Variants in NTMT2 observed in about 807,000 individuals in gnomAD.
The protein encoded by NTMT2 is X-Pro-Lys N-terminal protein methyltransferase 1B.
In NTMT2, 21 loss-of-function variants were observed where a neutral mutation model predicts 23.4. That is an observed-to-expected ratio of 0.90 (90% confidence interval 0.64 to 1.29). NTMT2 has a LOEUF of 1.29. Ranked by LOEUF, NTMT2 falls within the 50% of genes most tolerant of loss-of-function variation. The probability of loss-of-function intolerance (pLI) is 0.00; values close to 1 mark genes in which losing one functional copy is unlikely to be tolerated. For missense variants in NTMT2, 336 were observed against 352.0 expected, an observed-to-expected ratio of 0.95 and a Z score of 0.36; for synonymous variants, 131 against 127.7, an observed-to-expected ratio of 1.03 and a Z score of -0.17.
intron 1 of NTMT2, among the ~76,000 whole-genome samples, chr1:170,159,532 A>G (rs1673231480): frequency 6.7e-6 from 1 of 149,284 alleles, no homozygotes; most frequent in Non-Finnish European, 1.5e-5. Flanking sequence ...TGGCCTGCAA[A>G]TTCTTTAGCT....
intron 2 of NTMT2, among the ~76,000 whole-genome samples, chr1:170,161,983 G>C (rs1002329811): frequency 6.6e-6 from 1 of 152,100 alleles, no homozygotes; most frequent in Non-Finnish European, 1.5e-5. Context: ...CCAGCTACTG[G>C]GGAGGCTGAG....
At chr1:170,149,966 C>T (rs1673036701) in intron 1 of NTMT2, among the ~76,000 whole-genome samples, 1 of 152,222 alleles carries the variant, frequency 6.6e-6, no homozygotes, top group South Asian at 2.1e-4. Context: ...GATGCTTCCT[C>T]TCCAGCTCTG....
chr1:170,165,408 A>G (rs981538313), intron 2 of NTMT2, among the ~76,000 whole-genome samples: 4 of 152,202 alleles, frequency 2.6e-5, no homozygotes, highest in East Asian at 1.9e-4. Context: ...TCTGGTACCA[A>G]AAAAACCCAG....
chr1:170,149,351 C>A (rs1414351743), intron 1 of NTMT2, among the ~76,000 whole-genome samples: 1 of 152,176 alleles, frequency 6.6e-6, no homozygotes, highest in African/African-American at 2.4e-5. Context: ...GCCAGTGTGA[C>A]TTTTATTCAA....
In NTMT2 at chr1:170,166,490, G is replaced by A. The variant is rs912063987; in HGVS notation, c.331-12G>A. 1.9e-6 allele frequency: 3 copies of A among 1,552,180 alleles called. No homozygotes were observed. Among genetic ancestry groups the A allele is most frequent in the African/African-American group, 1.4e-5 (1 of 73,142 alleles). On this transcript the variant is annotated splice_polypyrimidine_tract_variant and intron_variant, in intron 2 of 3. Coordinates refer to ENST00000439373, the MANE Select transcript of NTMT2 (RefSeq NM_001136107.2). Reference sequence around the variant, plus strand: ...GTCTCTGTACTTGAAATATCAAGGTGCCTTTCTGCAGGGGCCTGGGAGAGC... The same window carrying A: ...GTCTCTGTACTTGAAATATCAAGGTACCTTTCTGCAGGGGCCTGGGAGAGC...
At chr1:170,155,133 C>T (rs1673139962) in intron 1 of NTMT2, among the ~76,000 whole-genome samples, 1 of 152,106 alleles carries the variant, frequency 6.6e-6, no homozygotes, top group Admixed American at 6.6e-5. Context: ...GCTTCTTGTA[C>T]AGTCTGCAGA....
chr1:170,160,940 C>T (rs1352576604), intron 2 of NTMT2, among the ~76,000 whole-genome samples: 1 of 152,138 alleles, frequency 6.6e-6, no homozygotes, highest in African/African-American at 2.4e-5. Flanking sequence ...TTACATGCTT[C>T]AGAGGAAGGT....
intron 2 of NTMT2, chr1:170,161,718 C>G (rs1476086674): frequency 6.6e-6 from 1 of 152,166 alleles, no homozygotes; most frequent in Non-Finnish European, 1.5e-5. Context: ...TAATTTATTG[C>G]TATTACTACT....
Position 170,168,653 on chromosome 1 carries a change from T to C in NTMT2, c.*896T>C, listed in dbSNP as rs766851223. On this transcript the variant is annotated 3_prime_UTR_variant, in exon 4 of 4. Coordinates refer to ENST00000439373, the MANE Select transcript of NTMT2 (RefSeq NM_001136107.2). ...CAGGAGAAAATGTTGTGCCCTGAAATTTCAACCTTTAACATATAAGTAAAT... is the reference window on the plus strand; with the variant it reads ...CAGGAGAAAATGTTGTGCCCTGAAACTTCAACCTTTAACATATAAGTAAAT... 2.0e-4 allele frequency among the ~76,000 whole-genome samples: 31 copies of C among 152,252 alleles called. No homozygotes were observed. Among genetic ancestry groups the C allele is most frequent in the Non-Finnish European group, 3.8e-4 (26 of 68,044 alleles).
chr1:170,159,446 G>GTTTTTTTTT (rs1673229505), intron 1 of NTMT2, among the ~76,000 whole-genome samples: 1 of 39,018 alleles, frequency 2.6e-5, no homozygotes. Flanking sequence ...TTTTTTTTTT[G>GTTTTTTTTT]GTTTCCATTC....
rs188382912 is a variant in NTMT2, at chr1:170,164,374, C to T, written c.331-2128C>T. ...ATAAAAAGAAAAATTTGAAATGAGA[C>T]GCTCTTATTGAGCATACACATTTTA... On this transcript the variant is annotated intron_variant, in intron 2 of 3. Coordinates refer to ENST00000439373, the MANE Select transcript of NTMT2 (RefSeq NM_001136107.2). Among the ~76,000 whole-genome samples the T allele has an allele frequency of 3.8e-4, 58 of 152,290 alleles. 1 individual carries two copies. In the East Asian group the frequency reaches 8.7e-3, roughly 23 times the overall value.
rs1673379903 is a variant in NTMT2, at chr1:170,166,167, T to C, written c.331-335T>C. ...TTTTTTTTTTTTTTTTGAGACGGAG[T>C]CTCGCTCTGTGGCCCAGGCGGGAGT... On this transcript the variant is annotated intron_variant, in intron 2 of 3. Coordinates refer to ENST00000439373, the MANE Select transcript of NTMT2 (RefSeq NM_001136107.2). 3.3e-5 allele frequency among the ~76,000 whole-genome samples: 4 copies of C among 120,244 alleles called. No homozygotes were observed. In the South Asian group the frequency reaches 1.1e-3, roughly 32 times the overall value. The allele number at this position is 120,244 out of a possible 152,430, so 78.9% of individuals were successfully genotyped here. A position where few individuals can be genotyped will look rare whatever the true frequency, so the allele number is the denominator to read the frequency against.
At position 170,168,015 on chromosome 1, in the gene NTMT2, G is replaced by A. The variant is rs1673432507; in HGVS notation, c.*258G>A. Among the ~76,000 whole-genome samples the A allele has an allele frequency of 6.6e-6, 1 of 152,002 alleles. No homozygotes were observed. The highest frequency in any genetic ancestry group is 2.4e-5 in the African/African-American group (1 of 41,396). On this transcript the variant is annotated 3_prime_UTR_variant, in exon 4 of 4. Coordinates refer to ENST00000439373, the MANE Select transcript of NTMT2 (RefSeq NM_001136107.2). ...ATATCAGGAAACGTGCTTTAAATCC[G>A]TTTGTATGTATCTAAACTGTGCAAG...
At chr1:170,148,313 T>C (rs994629343) in intron 1 of NTMT2, among the ~76,000 whole-genome samples, 3 of 147,450 alleles carry the variant, frequency 2.0e-5, no homozygotes, top group African/African-American at 7.7e-5. Context: ...CATGCCCGGC[T>C]ATTTTTTTTT....
chr1:170,167,426 C>T (rs1287826707), intron 3 of NTMT2, 60 bp from the exon 4 acceptor site: 2 of 1,420,248 alleles, frequency 1.4e-6, no homozygotes, highest in Non-Finnish European at 1.9e-6. Context: ...CTTCCCTACT[C>T]ACCTTCCATC....
chr1:170,164,632 A>G (rs985828066), intron 2 of NTMT2, among the ~76,000 whole-genome samples: 1 of 152,198 alleles, frequency 6.6e-6, no homozygotes, highest in African/African-American at 2.4e-5. Context: ...TCACTAATCA[A>G]TCATAGATCT....
Position 170,167,399 on chromosome 1 carries a change from T to C in NTMT2, c.581-87T>C, listed in dbSNP as rs1673415079. 6.9e-5 allele frequency: 85 copies of C among 1,225,422 alleles called. No homozygotes were observed. In the South Asian group the frequency reaches 1.3e-3, roughly 19 times the overall value. 75.9% of individuals were successfully genotyped at this position (1,225,422 alleles called of 1,614,324 possible). On this transcript the variant is annotated intron_variant, in intron 3 of 3. Transcript: ENST00000439373. Reference sequence around the variant, plus strand: ...ATGAATGAGTGAACAAATGGTCTCCTGATTCTTAGCCATGTTCTTCCCTAC... The same window carrying C: ...ATGAATGAGTGAACAAATGGTCTCCCGATTCTTAGCCATGTTCTTCCCTAC...
chr1:170,167,594 T>A lies in NTMT2; in HGVS notation c.689T>A (p.Ile230Asn), dbSNP rs768395103. The A allele has an allele frequency of 1.6e-4, 251 of 1,551,586 alleles. No individual in the cohort carries two copies. The highest frequency in any genetic ancestry group is 2.2e-4 in the Non-Finnish European group (248 of 1,147,000). The change falls in exon 4 of 4, where the codon ATC (isoleucine) becomes AAC (asparagine). Residue 230 changes from isoleucine to asparagine, a missense_variant. Ile to Asn is a moderately radical substitution (Grantham distance 149). Coordinates refer to ENST00000439373, the MANE Select transcript of NTMT2 (RefSeq NM_001136107.2). ...GACAATGTGGCCCGGGAGGGCTGTA[T>A]CCTTGATCTCTCTGACAGCAGTGTG... ...LKDNVAREGC[I>N]LDLSDSSVTR...
intron 2 of NTMT2, among the ~76,000 whole-genome samples, chr1:170,164,113 C>T (rs1199701001): frequency 1.1e-5 from 1 of 90,194 alleles, no homozygotes; most frequent in Non-Finnish European, 2.1e-5. Flanking sequence ...CAGAATGAGA[C>T]TCTATCTCAA....
Sources: allele counts gnomAD v4.1 joint callset (sites outside exome capture counted in the v4.1 genomes callset), GRCh38; gene constraint gnomAD v4.1.1; transcripts MANE v1.5; gene names NCBI Gene and HGNC (gene_info 2026-07-23, HGNC 2026-07-21).